Variants in RRP15 observed in about 807,000 individuals in gnomAD.
RRP15 encodes the protein ribosomal RNA processing 15 homolog.
A neutral mutation model predicts 27.1 loss-of-function variants in RRP15; 18 were observed. That is an observed-to-expected ratio of 0.66 (90% CI 0.46 to 0.98). The LOEUF is 0.98. RRP15 is among the 50% of genes least tolerant of loss of function. RRP15 has a pLI of 0.00. For missense variants in RRP15, 359 were observed against 337.8 expected (o/e 1.06, Z -0.49); for synonymous variants, 107 against 109.4 (o/e 0.98, Z 0.14).
intron 4 of RRP15, among the ~76,000 whole-genome samples, chr1:218,329,673 T>C (rs942115851): frequency 6.6e-6 from 1 of 152,190 alleles, no homozygotes; most frequent in Non-Finnish European, 1.5e-5. Flanking sequence ...ATGTTTGATA[T>C]ACGAAGTCAG....
chr1:218,291,139 A>C (rs1306316755), intron 1 of RRP15, among the ~76,000 whole-genome samples: 4 of 151,982 alleles, frequency 2.6e-5, no homozygotes, highest in Non-Finnish European at 5.9e-5. Context: ...ACCCTGTCCC[A>C]AAAAATAAAA....
chr1:218,321,094 T>C (rs1176874243), intron 4 of RRP15, among the ~76,000 whole-genome samples: 1 of 152,222 alleles, frequency 6.6e-6, no homozygotes, highest in Non-Finnish European at 1.5e-5. Context: ...AAACCTTCTT[T>C]TTCAGTGTTC....
chr1:218,308,062 CTTTTTTTTTTTTTTTTTTT>C (rs56813511), intron 4 of RRP15, among the ~76,000 whole-genome samples: 3 of 66,906 alleles, frequency 4.5e-5, no homozygotes, highest in African/African-American at 5.7e-5. Flanking sequence ...TTCTTTCTTT[CTTTTTTTTTTTTTTTTTTT>C]TTTTTTTTTT....
rs772772328 is a variant in RRP15 at position 218,330,943 on chromosome 1, C to T, written c.706-5C>T. On this transcript the variant is annotated splice_region_variant and splice_polypyrimidine_tract_variant and intron_variant, in intron 4 of 4. Coordinates refer to ENST00000366932, the MANE Select transcript of RRP15 (RefSeq NM_016052.4). ...TGAATATTTTGATTCTATAATTTTC[C>T]TTAGACTGAAGTGAAATCAGAAGAA... 12 of 1,606,558 alleles carry T rather than the reference C, an allele frequency of 7.5e-6. No individual in the cohort carries two copies. The South Asian group carries it at 1.2e-4, about 16-fold the overall frequency.
Position 218,307,482 on chromosome 1 carries a change from T to C in RRP15, c.555T>C (p.Asp185=). 6.2e-7 allele frequency: 1 copy of C among 1,614,004 alleles called. No homozygotes were observed. Among genetic ancestry groups the C allele is most frequent in the Non-Finnish European group, 8.5e-7 (1 of 1,179,960 alleles). Residue 185 remains aspartate, a synonymous_variant, in exon 4 of 5, where the codon GAT becomes GAC. Transcript: ENST00000366932. ...TTCAGAAACATCAAAAGAATGTTGATGAAAAGGTTAAGGAAGCTGGAAGTT... is the reference window on the plus strand; with the variant it reads ...TTCAGAAACATCAAAAGAATGTTGACGAAAAGGTTAAGGAAGCTGGAAGTT... ...NAVQKHQKNV[D]EKVKEAGSSM... is the part of the protein sequence containing the mutation.
At chr1:218,291,126 A>C (rs984562322) in intron 1 of RRP15, among the ~76,000 whole-genome samples, 4 of 151,062 alleles carry the variant, frequency 2.6e-5, no homozygotes, top group African/African-American at 9.7e-5. Context: ...GTGACACAGC[A>C]TGACCCTGTC....
At chr1:218,297,826 G>A (rs566712501) in intron 1 of RRP15, among the ~76,000 whole-genome samples, 1 of 152,248 alleles carries the variant, frequency 6.6e-6, no homozygotes, top group East Asian at 1.9e-4. Context: ...GCCTTTTATT[G>A]GAAGCACACA....
Position 218,333,273 on chromosome 1 carries a change from A to G in RRP15, c.*2182A>G, listed in dbSNP as rs1044664538. On this transcript the variant is annotated 3_prime_UTR_variant, in exon 5 of 5. Coordinates refer to ENST00000366932, the MANE Select transcript of RRP15 (RefSeq NM_016052.4). ...TTATCATATAGATTTGATATCTTCT[A>G]TGTATTCGTATTTTTGCATCTTGGG... 2 of 152,166 alleles carry G rather than the reference A, an allele frequency of 1.3e-5. No homozygotes were observed. The highest frequency in any genetic ancestry group is 1.3e-4 in the Admixed American group (2 of 15,266). The allele number at this position is 152,166 out of a possible 1,614,324, so 9.4% of individuals were successfully genotyped here. A position where few individuals can be genotyped will look rare whatever the true frequency, so the allele number is the denominator to read the frequency against.
chr1:218,324,191 G>A (rs1656234558), intron 4 of RRP15, among the ~76,000 whole-genome samples: 1 of 152,156 alleles, frequency 6.6e-6, no homozygotes, highest in South Asian at 2.1e-4. Context: ...TCCCAGGAGC[G>A]GGCCTGGGAA....
intron 1 of RRP15, among the ~76,000 whole-genome samples, chr1:218,300,755 G>A (rs577122749): frequency 6.6e-6 from 1 of 152,310 alleles, no homozygotes; most frequent in South Asian, 2.1e-4. Flanking sequence ...TCAATCAATA[G>A]ACTTCTCAGA....
At chr1:218,314,337 A>C (rs1656047203) in intron 4 of RRP15, among the ~76,000 whole-genome samples, 1 of 152,186 alleles carries the variant, frequency 6.6e-6, no homozygotes, top group Non-Finnish European at 1.5e-5. Context: ...TCAGTATGTT[A>C]ATCAAGATTT....
At chr1:218,304,980 T>C in intron 2 of RRP15, 48 bp from the exon 3 acceptor site, 9 of 1,536,718 alleles carry the variant, frequency 5.9e-6, no homozygotes, top group Non-Finnish European at 8.1e-6. Flanking sequence ...TTTGCTGCAC[T>C]TTCAGAAATA....
intron 4 of RRP15, among the ~76,000 whole-genome samples, chr1:218,317,688 G>A (rs556905557): frequency 3.0e-4 from 45 of 148,272 alleles, no homozygotes; most frequent in Middle Eastern, 3.7e-3. Context: ...ATTGTGTGTC[G>A]AATACAGATT....
chr1:218,291,660 T>G (rs1220107992), intron 1 of RRP15, among the ~76,000 whole-genome samples: 4 of 150,584 alleles, frequency 2.7e-5, no homozygotes, highest in African/African-American at 9.8e-5. Context: ...GCCTTCCGAG[T>G]AGCTGGTACT....
rs556948283 is a variant in RRP15, at chr1:218,334,102, G to A, written c.*3011G>A. The A allele has an allele frequency of 6.6e-6, 1 of 152,186 alleles. No homozygotes were observed. Among genetic ancestry groups the A allele is most frequent in the South Asian group, 2.1e-4 (1 of 4,812 alleles). 9.4% of individuals were successfully genotyped at this position (152,186 alleles called of 1,614,324 possible). On this transcript the variant is annotated 3_prime_UTR_variant, in exon 5 of 5. Coordinates refer to ENST00000366932, the MANE Select transcript of RRP15 (RefSeq NM_016052.4). Reference sequence around the variant, plus strand: ...GTTTAGCATTGGTTGTTATTTTTAAGCATCAGAATTTGAAAGCCAATGATA... The same window carrying A: ...GTTTAGCATTGGTTGTTATTTTTAAACATCAGAATTTGAAAGCCAATGATA...
intron 4 of RRP15, among the ~76,000 whole-genome samples, chr1:218,329,724 C>G (rs1434147283): frequency 6.6e-6 from 1 of 152,030 alleles, no homozygotes; most frequent in African/African-American, 2.4e-5. Flanking sequence ...ATTCAGTCTT[C>G]AAGTTATATT....
At chr1:218,302,222 G>T (rs1045011230) in intron 1 of RRP15, 72 bp from the exon 2 acceptor site, 2 of 1,184,312 alleles carry the variant, frequency 1.7e-6, no homozygotes, top group African/African-American at 3.1e-5. Context: ...CTCCAGGAAG[G>T]GTTCGGGGGG....
intron 1 of RRP15, among the ~76,000 whole-genome samples, chr1:218,291,846 C>CT (rs898085152): frequency 2.4e-4 from 36 of 149,544 alleles, no homozygotes; most frequent in South Asian, 2.4e-3. Flanking sequence ...TCCCCACCCC[C>CT]TTTTTTTTTA....
chr1:218,304,778 T>A (rs1301526440), intron 2 of RRP15, among the ~76,000 whole-genome samples: 1 of 152,186 alleles, frequency 6.6e-6, no homozygotes, highest in Non-Finnish European at 1.5e-5. Context: ...CCGAATATGC[T>A]GGCAGCTCTC....
Sources: allele counts gnomAD v4.1 joint callset (sites outside exome capture counted in the v4.1 genomes callset), GRCh38; gene constraint gnomAD v4.1.1; transcripts MANE v1.5; gene names NCBI Gene and HGNC (gene_info 2026-07-23, HGNC 2026-07-21).